Variants in SOCS5 observed in about 807,000 individuals in gnomAD.
SOCS5 encodes CIS-6.
SOCS5 carries 32 observed loss-of-function variants against 42.8 expected under a neutral mutation model. The ratio of observed to expected loss-of-function variants is 0.75; its 90% CI spans 0.56 to 1.01. The LOEUF (loss-of-function observed/expected upper bound fraction) is 1.01, where lower values mean the gene tolerates loss of function less well. Among genes scored for constraint, SOCS5 ranks in the 50% least tolerant of loss-of-function variants. SOCS5 has a pLI of 0.00. For synonymous variants in SOCS5, 283 were observed against 229.6 expected (o/e 1.23, Z -2.10); for missense variants, 627 against 653.0 (o/e 0.96, Z 0.43).
intron 1 of SOCS5, among the ~76,000 whole-genome samples, chr2:46,703,270 G>A (rs1285007825): frequency 2.6e-5 from 4 of 152,028 alleles, no homozygotes; most frequent in Non-Finnish European, 4.4e-5. Context: ...TACTTCAGAT[G>A]ATAAATACCT....
chr2:46,716,520 C>T (rs1400053045), intron 1 of SOCS5, among the ~76,000 whole-genome samples: 1 of 151,648 alleles, frequency 6.6e-6, no homozygotes, highest in Non-Finnish European at 1.5e-5. Context: ...CTTTTTCACC[C>T]CAGCTAGAGT....
At chr2:46,726,586 T>A (rs1163445776) in intron 1 of SOCS5, among the ~76,000 whole-genome samples, 1 of 152,150 alleles carries the variant, frequency 6.6e-6, no homozygotes, top group East Asian at 1.9e-4. Context: ...AAGGTTCTTA[T>A]GGCTCTCTGT....
At chr2:46,726,523 C>T (rs1450561089) in intron 1 of SOCS5, among the ~76,000 whole-genome samples, 20 of 152,106 alleles carry the variant, frequency 1.3e-4, no homozygotes, top group Non-Finnish European at 1.5e-5. Flanking sequence ...TGCTGTCTTT[C>T]ACTCTCCTTT....
Position 46,744,062 on chromosome 2 carries a change from T to A in SOCS5, c.-12-14457T>A, listed in dbSNP as rs185574012. Among the ~76,000 whole-genome samples the A allele has an allele frequency of 4.6e-5, 7 of 152,156 alleles. No individual in the cohort carries two copies. The East Asian group carries it at 9.7e-4, about 21-fold the overall frequency. Reference sequence around the variant, plus strand: ...TAGAGTGCAGTGGCGCAATCTCAGCTCACTGCAACCTCCCCCTCCTGGGTT... The same window carrying A: ...TAGAGTGCAGTGGCGCAATCTCAGCACACTGCAACCTCCCCCTCCTGGGTT... On this transcript the variant is annotated intron_variant, in intron 1 of 1. Coordinates refer to ENST00000394861, the MANE Select transcript of SOCS5 (RefSeq NM_144949.3).
chr2:46,743,499 C>A (rs1240343713), intron 1 of SOCS5, among the ~76,000 whole-genome samples: 1 of 152,144 alleles, frequency 6.6e-6, no homozygotes, highest in Non-Finnish European at 1.5e-5. Context: ...CCAGAGATCA[C>A]TCTTGTGGCC....
At chr2:46,711,703 G>C (rs1202779746) in intron 1 of SOCS5, among the ~76,000 whole-genome samples, 1 of 152,196 alleles carries the variant, frequency 6.6e-6, no homozygotes, top group African/African-American at 2.4e-5. Context: ...CCACAGTTGT[G>C]AAGATATTAT....
intron 1 of SOCS5, among the ~76,000 whole-genome samples, chr2:46,707,885 T>C (rs920920000): frequency 3.3e-5 from 5 of 152,242 alleles, no homozygotes; most frequent in African/African-American, 1.2e-4. Context: ...TAGCCTAGCC[T>C]ACCTTAAATG....
intron 1 of SOCS5, among the ~76,000 whole-genome samples, chr2:46,702,086 G>A (rs1438101111): frequency 6.6e-6 from 1 of 151,954 alleles, no homozygotes; most frequent in Non-Finnish European, 1.5e-5. Flanking sequence ...TTACTCGTTT[G>A]TAAAGGGAGG....
At chr2:46,758,387 A>C in intron 1 of SOCS5, 132 bp from the exon 2 acceptor site, 1 of 650,812 alleles carries the variant, frequency 1.5e-6, no homozygotes, top group Non-Finnish European at 2.6e-6. Context: ...TCACTTCAGC[A>C]GGGCAGCGTA....
intron 1 of SOCS5, among the ~76,000 whole-genome samples, chr2:46,715,108 A>G (rs961924492): frequency 6.6e-6 from 1 of 152,082 alleles, no homozygotes; most frequent in Non-Finnish European, 1.5e-5. Flanking sequence ...TGACAAAAAT[A>G]CTGTAATCCC....
At chr2:46,704,562 C>T (rs908567607) in intron 1 of SOCS5, among the ~76,000 whole-genome samples, 16 of 152,056 alleles carry the variant, frequency 1.1e-4, no homozygotes, top group African/African-American at 3.4e-4. Flanking sequence ...CAGGTTGGCA[C>T]GTCTTTGTAT....
At chr2:46,713,890 A>G (rs1672682645) in intron 1 of SOCS5, among the ~76,000 whole-genome samples, 1 of 152,134 alleles carries the variant, frequency 6.6e-6, no homozygotes, top group Admixed American at 6.5e-5. Context: ...TCCTCTTGGA[A>G]TTTATTTGAC....
chr2:46,712,265 G>C (rs1672639722), intron 1 of SOCS5, among the ~76,000 whole-genome samples: 1 of 145,630 alleles, frequency 6.9e-6, no homozygotes, highest in Admixed American at 6.8e-5. Flanking sequence ...ATTTTTCATA[G>C]ATGCCCTTTA....
chr2:46,749,373 G>A (rs1422630125), intron 1 of SOCS5, among the ~76,000 whole-genome samples: 1 of 152,120 alleles, frequency 6.6e-6, no homozygotes, highest in East Asian at 1.9e-4. Flanking sequence ...TGTTATCCTG[G>A]AAAGGCCGAG....
chr2:46,701,392 G>T (rs1282529533), intron 1 of SOCS5, among the ~76,000 whole-genome samples: 1 of 152,188 alleles, frequency 6.6e-6, no homozygotes, highest in South Asian at 2.1e-4. Flanking sequence ...TTCTAGAGCT[G>T]GAAGGGTAGA....
At chr2:46,711,750 T>C (rs1331503637) in intron 1 of SOCS5, among the ~76,000 whole-genome samples, 2 of 152,236 alleles carry the variant, frequency 1.3e-5, no homozygotes, top group East Asian at 3.8e-4. Flanking sequence ...TGATAATTTT[T>C]GTGTATTGAG....
At chr2:46,705,932 G>A (rs963159447) in intron 1 of SOCS5, among the ~76,000 whole-genome samples, 4 of 152,106 alleles carry the variant, frequency 2.6e-5, no homozygotes, top group African/African-American at 9.7e-5. Context: ...ATGCATTTAG[G>A]GGAAGATATT....
intron 1 of SOCS5, among the ~76,000 whole-genome samples, chr2:46,746,929 T>TC (rs1249433486): frequency 2.2e-5 from 3 of 133,632 alleles, no homozygotes; most frequent in Admixed American, 2.1e-4. Context: ...TTTCTTTTTT[T>TC]TTTTTTTTTT....
intron 1 of SOCS5, among the ~76,000 whole-genome samples, chr2:46,700,286 A>T (rs1050595032): frequency 6.6e-6 from 1 of 152,208 alleles, no homozygotes; most frequent in African/African-American, 2.4e-5. Flanking sequence ...TGGCTGCTGG[A>T]CTTTGTCAGT....
Sources: allele counts gnomAD v4.1 joint callset (sites outside exome capture counted in the v4.1 genomes callset), GRCh38; gene constraint gnomAD v4.1.1; transcripts MANE v1.5; gene names NCBI Gene and HGNC (gene_info 2026-07-23, HGNC 2026-07-21).